The following CEP135 variants were observed in gnomAD, a reference collection of about 807,000 sequenced individuals.
The protein encoded by CEP135 is centrosomal protein 135, also known as centrosomal protein of 135 kDa.
Under a neutral mutation model 157.3 loss-of-function variants are expected in CEP135, and 142 were observed. The observed-to-expected ratio is 0.90, with a 90% CI of 0.79 to 1.04. The LOEUF (loss-of-function observed/expected upper bound fraction) is 1.04. Among genes scored for constraint, CEP135 ranks in the 50% least tolerant of loss-of-function variants. The pLI, the probability that CEP135 is intolerant of heterozygous loss-of-function variation, is 0.00. For synonymous variants in CEP135, 396 were observed against 439.8 expected (o/e 0.90, Z 1.25); for missense variants, 1,317 against 1,309.2 (o/e 1.01, Z -0.09).
intron 4 of CEP135, 68 bp downstream of exon 4, chr4:55,954,451 T>C: frequency 1.5e-6 from 2 of 1,352,668 alleles, no homozygotes; most frequent in Admixed American, 5.1e-5. Context: ...CACCATTGAC[T>C]AAAATAGGAC....
At chr4:56,013,250 T>A (rs1730654375) in intron 21 of CEP135, among the ~76,000 whole-genome samples, 1 of 152,196 alleles carries the variant, frequency 6.6e-6, no homozygotes, top group African/African-American at 2.4e-5. Flanking sequence ...TTTTAAATTG[T>A]TGTTGTAGAA....
In CEP135 at chr4:55,999,325, G is replaced by A. The variant is rs756603481; in HGVS notation, c.2033G>A (p.Arg678Gln). The stretch of plus-strand genomic sequence containing the variant: ...AGGATAGTGAATGAGCAGCTACAGC[G>A]GTCAGTTGATGACTATCAGCACCGA... ...SLRIVNEQLQRSVDDYQHRLS... is the reference protein window; with the variant it reads ...SLRIVNEQLQQSVDDYQHRLS... The change falls in exon 16 of 26, where the codon CGG becomes CAG. Residue 678 changes from arginine to glutamine, a missense_variant. Arg to Gln is a conservative substitution (Grantham distance 43). Transcript: ENST00000257287. The A allele has an allele frequency of 1.1e-5, 18 of 1,613,926 alleles. No individual in the cohort carries two copies. The highest frequency in any genetic ancestry group is 2.2e-5 in the South Asian group (2 of 91,064).
chr4:55,969,616 G>A (rs889660620), intron 9 of CEP135, among the ~76,000 whole-genome samples: 5 of 152,088 alleles, frequency 3.3e-5, no homozygotes, highest in Non-Finnish European at 5.9e-5. Context: ...TCATGCATGT[G>A]GTAGCATTTA....
intron 24 of CEP135, 111 bp from the exon 25 acceptor site, chr4:56,024,390 T>C: frequency 1.5e-6 from 1 of 665,638 alleles, no homozygotes; most frequent in Non-Finnish European, 2.6e-6. Flanking sequence ...AATTTAATAG[T>C]AATACTAAGT....
chr4:56,029,720 G>A (rs1409967492), intron 25 of CEP135, among the ~76,000 whole-genome samples: 2 of 152,184 alleles, frequency 1.3e-5, no homozygotes, highest in African/African-American at 2.4e-5. Flanking sequence ...ACTGAATACT[G>A]TAGGCAGTTG....
chr4:55,964,722 C>T (rs879781147), intron 7 of CEP135: 5 of 163,888 alleles, frequency 3.1e-5, no homozygotes, highest in East Asian at 1.7e-4. Context: ...AAAGAGAAAA[C>T]GAAGAGAATA....
chr4:56,020,185 A>G (rs1296980010), intron 23 of CEP135, among the ~76,000 whole-genome samples: 1 of 152,174 alleles, frequency 6.6e-6, no homozygotes, highest in Non-Finnish European at 1.5e-5. Flanking sequence ...AGATTAGGAA[A>G]AAGGACTCTA....
chr4:55,986,173 G>A (rs887308895), intron 14 of CEP135, among the ~76,000 whole-genome samples: 5 of 152,154 alleles, frequency 3.3e-5, no homozygotes, highest in African/African-American at 1.2e-4. Flanking sequence ...AAAGAACTTA[G>A]AAGCGTGCCT....
In CEP135 at chr4:56,017,712, T is replaced by C. The variant is rs777650066; in HGVS notation, c.2867T>C (p.Leu956Ser). 1.9e-5 allele frequency: 31 copies of C among 1,613,806 alleles called. No homozygotes were observed. Among genetic ancestry groups the C allele is most frequent in the Non-Finnish European group, 2.5e-5 (30 of 1,179,994 alleles). Residue 956 changes from leucine to serine, a missense_variant, in exon 22 of 26, where the codon TTA becomes TCA. Leu to Ser is a moderately radical substitution (Grantham distance 145). Transcript: ENST00000257287. The part of the protein sequence containing the change: ...ISSMAKAMSR[L>S]EEELRHQEDE... ...TCAATGGCAAAAGCCATGTCTCGAT[T>C]AGAAGAAGAGCTGAGACATCAAGAA...
intron 14 of CEP135, among the ~76,000 whole-genome samples, chr4:55,987,169 A>G (rs1729616517): frequency 6.6e-6 from 1 of 152,026 alleles, no homozygotes; most frequent in South Asian, 2.1e-4. Context: ...TGAGTACGCT[A>G]CCTGTTGTCC....
intron 10 of CEP135, among the ~76,000 whole-genome samples, chr4:55,972,187 C>T (rs934273736): frequency 3.3e-5 from 5 of 152,006 alleles, no homozygotes; most frequent in East Asian, 1.9e-4. Context: ...TTAATTTGAC[C>T]GATGTTTATG....
chr4:55,989,119 T>C (rs1365764229), intron 14 of CEP135, among the ~76,000 whole-genome samples: 1 of 152,194 alleles, frequency 6.6e-6, no homozygotes, highest in Non-Finnish European at 1.5e-5. Flanking sequence ...TCTCAGACTA[T>C]TGGCTATTCA....
chr4:55,964,371 A>G lies in CEP135; in HGVS notation c.797A>G (p.Asn266Ser), dbSNP rs760723459. The G allele has an allele frequency of 2.5e-6, 4 of 1,610,874 alleles. No homozygotes were observed. The South Asian group carries it at 3.3e-5, about 13-fold the overall frequency. ...VLSLESRNKT[N>S]EKLIAHLNIQ... ...TCTCTGGAGTCTAGAAATAAAACCAATGAAAAGCTTATTGCTCATTTAAAT... is the reference window on the plus strand; with the variant it reads ...TCTCTGGAGTCTAGAAATAAAACCAGTGAAAAGCTTATTGCTCATTTAAAT... The change falls in exon 7 of 26, where the codon AAT becomes AGT. Residue 266 changes from asparagine (N) to serine (S), a missense_variant. Physicochemically the swap from Asn to Ser is conservative, Grantham distance 46 (BLOSUM62 1). Transcript: ENST00000257287.
chr4:55,980,413 T>A (rs1729363047), intron 12 of CEP135, 118 bp downstream of exon 12: 1 of 590,726 alleles, frequency 1.7e-6, no homozygotes, highest in Non-Finnish European at 2.7e-6. Context: ...TCTTCATAAT[T>A]AAAATTATCA....
intron 17 of CEP135, among the ~76,000 whole-genome samples, chr4:56,003,660 A>G (rs1730255274): frequency 6.7e-6 from 1 of 149,594 alleles, no homozygotes; most frequent in South Asian, 2.1e-4. Context: ...TGTTTATTCG[A>G]AGTCTTTCTA....
intron 18 of CEP135, among the ~76,000 whole-genome samples, chr4:56,008,888 AT>A (rs1426274125): frequency 6.6e-6 from 1 of 152,156 alleles, no homozygotes; most frequent in Non-Finnish European, 1.5e-5. Flanking sequence ...AATTGAATCT[AT>A]GCTTTACTTT....
intron 5 of CEP135, 74 bp downstream of exon 5, chr4:55,957,438 CT>C (rs1468476778): frequency 4.2e-6 from 6 of 1,426,078 alleles, no homozygotes; most frequent in Non-Finnish European, 3.8e-6. Flanking sequence ...GATAGGAGGG[CT>C]TTTTTTCTTG....
intron 10 of CEP135, among the ~76,000 whole-genome samples, chr4:55,972,236 T>TA (rs2109669135): frequency 6.6e-6 from 1 of 152,336 alleles, no homozygotes; most frequent in Admixed American, 6.5e-5. Context: ...GCCCTGTTTT[T>TA]GAGTGCTGGG....
chr4:55,981,390 T>C lies in CEP135; in HGVS notation c.1779+11T>C. On this transcript the variant is annotated intron_variant, in intron 13 of 25. Coordinates refer to ENST00000257287, the MANE Select transcript of CEP135 (RefSeq NM_025009.5). ...AGAGAAAAATTAGAGGTAAGAAGAT[T>C]GACATGTTTTTGAAAGGTAATTTGT... is the stretch of plus-strand genomic sequence containing the variant. 6.4e-7 allele frequency: 1 copy of C among 1,560,060 alleles called. No homozygotes were observed. The highest frequency in any genetic ancestry group is 2.3e-5 in the East Asian group (1 of 43,104).
Sources: gnomAD v4.1 joint callset for allele counts (sites outside exome capture counted in the v4.1 genomes callset) on GRCh38, gnomAD v4.1.1 for gene constraint, MANE v1.5 for transcripts, NCBI Gene and HGNC (gene_info 2026-07-23, HGNC 2026-07-21) for gene names.